Variants in NAALADL2 observed in about 807,000 individuals in gnomAD.
The protein encoded by NAALADL2 is inactive N-acetylated-alpha-linked acidic dipeptidase-like protein 2.
In NAALADL2, 76 loss-of-function variants were observed where a neutral mutation model predicts 87.2. The observed-to-expected ratio is 0.87, with a 90% CI of 0.72 to 1.05. The LOEUF is 1.05. Among genes scored for constraint, NAALADL2 ranks in the 50% least tolerant of loss-of-function variants. The pLI is 0.00. For synonymous variants in NAALADL2, 354 were observed against 331.0 expected, an observed-to-expected ratio of 1.07 and a Z score of -0.75; for missense variants, 1,089 against 945.8, an observed-to-expected ratio of 1.15 and a Z score of -1.99.
intron 9 of NAALADL2, among the ~76,000 whole-genome samples, chr3:175,476,320 AG>A (rs1339224221): frequency 6.6e-6 from 1 of 152,174 alleles, no homozygotes; most frequent in Non-Finnish European, 1.5e-5. Context: ...TGTAGGACAC[AG>A]TAAGCAGATG....
chr3:175,195,490 A>G (rs62285874), intron 2 of NAALADL2, among the ~76,000 whole-genome samples: 56,391 of 151,408 alleles, frequency 0.37, 11,650 homozygotes, highest in East Asian at 0.52. Flanking sequence ...ATATAGACCC[A>G]AAGGAATAAA....
intron 3 of NAALADL2, among the ~76,000 whole-genome samples, chr3:174,824,111 A>G (rs1721724797): frequency 1.3e-5 from 2 of 152,196 alleles, no homozygotes; most frequent in Admixed American, 1.3e-4. Context: ...ATTGAGTTTC[A>G]TAAACTAATT....
chr3:175,404,182 G>A (rs936375813), intron 5 of NAALADL2, among the ~76,000 whole-genome samples: 1 of 152,038 alleles, frequency 6.6e-6, no homozygotes, highest in African/African-American at 2.4e-5. Flanking sequence ...ACACAATGTA[G>A]TGGAAACAGC....
At chr3:175,472,643 G>T (rs1343468070) in intron 9 of NAALADL2, among the ~76,000 whole-genome samples, 1 of 152,150 alleles carries the variant, frequency 6.6e-6, no homozygotes, top group African/African-American at 2.4e-5. Context: ...TTTGATTGAA[G>T]TGTAATGCAA....
intron 4 of NAALADL2, among the ~76,000 whole-genome samples, chr3:175,315,178 C>T (rs1319985608): frequency 1.3e-5 from 2 of 152,108 alleles, no homozygotes; most frequent in African/African-American, 2.4e-5. Context: ...CGCAGCATGA[C>T]TAAGGACTAT....
intron 2 of NAALADL2, among the ~76,000 whole-genome samples, chr3:174,701,183 T>C (rs1729519635): frequency 6.6e-6 from 1 of 151,104 alleles, no homozygotes; most frequent in Admixed American, 6.6e-5. Flanking sequence ...AAGTAATATT[T>C]GATAATTTTA....
rs1754691417 is a variant in NAALADL2 at position 175,806,249 on chromosome 3, T to C, written c.*3046T>C. ...GGCAAAGGACACAAAGACTGGGTAC[T>C]TGAGAGAAAGTGGGGAGAATCCTTA... is the stretch of plus-strand genomic sequence containing the variant. On this transcript the variant is annotated 3_prime_UTR_variant, in exon 14 of 14. Transcript: ENST00000454872. The C allele has an allele frequency of 6.6e-6, 1 of 151,468 alleles. No individual in the cohort carries two copies. The highest frequency in any genetic ancestry group is 1.5e-5 in the Non-Finnish European group (1 of 67,770). 9.4% of individuals were successfully genotyped at this position (151,468 alleles called of 1,614,324 possible). A position where few individuals can be genotyped will look rare whatever the true frequency, so the allele number is the denominator to read the frequency against.
At chr3:174,441,896 GATTA>G (rs1472267334) in intron 1 of NAALADL2, among the ~76,000 whole-genome samples, 2 of 152,026 alleles carry the variant, frequency 1.3e-5, no homozygotes, top group African/African-American at 4.8e-5. Flanking sequence ...GAGTGTAAAG[GATTA>G]ATTAACTGTG....
At chr3:175,602,066 T>A (rs1411051971) in intron 10 of NAALADL2, among the ~76,000 whole-genome samples, 1 of 152,146 alleles carries the variant, frequency 6.6e-6, no homozygotes, top group Non-Finnish European at 1.5e-5. Context: ...AGACTTGAAC[T>A]TTGTTATGTG....
chr3:174,747,551 G>A (rs1289845260), intron 3 of NAALADL2, among the ~76,000 whole-genome samples: 2 of 150,324 alleles, frequency 1.3e-5, no homozygotes, highest in African/African-American at 4.9e-5. Flanking sequence ...GAACCCAGGA[G>A]GTGGAGGTTG....
intron 5 of NAALADL2, among the ~76,000 whole-genome samples, chr3:175,330,358 C>T (rs1761251711): frequency 6.6e-6 from 1 of 151,828 alleles, no homozygotes; most frequent in Non-Finnish European, 1.5e-5. Flanking sequence ...GTGGGAGGAT[C>T]ACTTGAGCCT....
At chr3:175,093,622 A>G (rs1720581642) in intron 1 of NAALADL2, among the ~76,000 whole-genome samples, 1 of 150,458 alleles carries the variant, frequency 6.6e-6, no homozygotes, top group African/African-American at 2.4e-5. Context: ...TATATAATTG[A>G]TTTTACCAAG....
intron 11 of NAALADL2, among the ~76,000 whole-genome samples, chr3:175,628,617 G>GTATATA (rs34276529): frequency 0.013 from 1,750 of 139,154 alleles, 38 homozygotes; most frequent in African/African-American, 0.04. Flanking sequence ...CTCTCTCTAT[G>GTATATA]TATATATATA....
intron 9 of NAALADL2, among the ~76,000 whole-genome samples, chr3:175,475,674 C>T (rs1034182626): frequency 1.3e-5 from 2 of 152,154 alleles, no homozygotes; most frequent in Non-Finnish European, 1.5e-5. Flanking sequence ...TAAATAATTA[C>T]ATCAGTATTG....
At chr3:174,691,271 G>A (rs1463785740) in intron 2 of NAALADL2, among the ~76,000 whole-genome samples, 1 of 152,028 alleles carries the variant, frequency 6.6e-6, no homozygotes, top group Non-Finnish European at 1.5e-5. Context: ...AATTAGCCAG[G>A]TGTGATGACG....
At chr3:175,282,911 C>CTTTTTTT (rs77457477) in intron 4 of NAALADL2, among the ~76,000 whole-genome samples, 3 of 137,212 alleles carry the variant, frequency 2.2e-5, no homozygotes, top group South Asian at 2.3e-4. Flanking sequence ...TTTCTGTCTT[C>CTTTTTTT]TTTTTTTTTT....
intron 10 of NAALADL2, among the ~76,000 whole-genome samples, chr3:175,617,005 G>A (rs1384214240): frequency 6.6e-6 from 1 of 152,132 alleles, no homozygotes; most frequent in African/African-American, 2.4e-5. Context: ...AGAAGAATCT[G>A]TCCTGGAGTC....
At chr3:174,536,582 A>G (rs756224141) in intron 1 of NAALADL2, 1 of 152,148 alleles carries the variant, frequency 6.6e-6, no homozygotes, top group Non-Finnish European at 1.5e-5. Context: ...ACTGTGTGTC[A>G]GCTTTGTCAC....
chr3:175,305,140 T>C (rs563155649), intron 4 of NAALADL2, among the ~76,000 whole-genome samples: 3 of 152,266 alleles, frequency 2.0e-5, no homozygotes, highest in African/African-American at 4.8e-5. Flanking sequence ...AATAGATAAA[T>C]AATATGGTCA....
Sources: allele counts gnomAD v4.1 joint callset (sites outside exome capture counted in the v4.1 genomes callset), GRCh38; gene constraint gnomAD v4.1.1; transcripts MANE v1.5; gene names NCBI Gene and HGNC (gene_info 2026-07-23, HGNC 2026-07-21).